The following TACC2 variants were observed in gnomAD, a reference collection of about 807,000 sequenced individuals.
The protein encoded by TACC2 is transforming acidic coiled-coil containing protein 2.
TACC2 carries 137 observed loss-of-function variants against 227.3 expected under a neutral mutation model. The ratio of observed to expected loss-of-function variants is 0.60; its 90% confidence interval spans 0.52 to 0.69. The LOEUF (loss-of-function observed/expected upper bound fraction) is 0.69, where lower values mean the gene tolerates loss of function less well. Among genes scored for constraint, TACC2 ranks in the 30% least tolerant of loss-of-function variants. The pLI is 0.00. For synonymous variants in TACC2, 1,523 were observed against 1,487.5 expected (o/e 1.02, Z -0.55); for missense variants, 3,470 against 3,694.4 (o/e 0.94, Z 1.57).
rs1330089288 is a variant in TACC2, at chr10:122,124,350, T to C, written c.5574-8259T>C. Among the ~76,000 whole-genome samples the C allele has an allele frequency of 2.0e-5, 3 of 152,316 alleles. No individual in the cohort carries two copies. In the South Asian group the frequency reaches 6.2e-4, roughly 32 times the overall value. On this transcript the variant is annotated intron_variant, in intron 5 of 22. Transcript: ENST00000369005. ...AGTGTGTCCTGCATCACCTGGCACC[T>C]GAACTGTTCCAAAGCTCTCACTTCG...
chr10:122,087,023 A>C lies in TACC2; in HGVS notation c.4523A>C (p.Asn1508Thr). The part of the protein sequence containing the change: ...LGPAGLTWER[N>T]LPGAGVGKEM... ...CCAGCAGGGCTGACCTGGGAGCGGA[A>C]CTTGCCAGGTGCCGGTGTGGGGAAG... The change falls in exon 4 of 23, where the codon AAC becomes ACC. Residue 1508 changes from asparagine to threonine, a missense_variant. Around this residue, in one of 10 missense-constraint regions of TACC2, gnomAD observed 1,924 missense variants for 1,978.3 expected, o/e 0.97. Coordinates refer to ENST00000369005, the MANE Select transcript of TACC2 (RefSeq NM_206862.4). 6.2e-7 allele frequency: 1 copy of C among 1,613,904 alleles called. No individual in the cohort carries two copies. The highest frequency in any genetic ancestry group is 1.1e-5 in the South Asian group (1 of 91,082).
chr10:122,183,617 CTGCTATGGATCTAGA>C (rs1040573095), intron 7 of TACC2, among the ~76,000 whole-genome samples: 1 of 152,170 alleles, frequency 6.6e-6, no homozygotes, highest in Non-Finnish European at 1.5e-5. Context: ...CCCCCGTGGG[CTGCTATGGATCTAGA>C]TGCAGAAACT....
chr10:122,078,324 G>T (rs930804966), intron 3 of TACC2, among the ~76,000 whole-genome samples: 3 of 151,384 alleles, frequency 2.0e-5, no homozygotes, highest in Admixed American at 2.0e-4. Context: ...AAACCTGGTC[G>T]TGCAGGGGCC....
At chr10:122,163,734 C>T in intron 7 of TACC2, 2 of 1,142,474 alleles carry the variant, frequency 1.8e-6, no homozygotes, top group South Asian at 4.3e-5. Flanking sequence ...GCTCGCCCCC[C>T]GGCCCCCGGC....
At chr10:122,112,185 A>G (rs929811492) in intron 5 of TACC2, among the ~76,000 whole-genome samples, 4 of 152,126 alleles carry the variant, frequency 2.6e-5, no homozygotes, top group African/African-American at 9.7e-5. Flanking sequence ...CCTGCTGTCT[A>G]TATATAGTCA....
intron 8 of TACC2, among the ~76,000 whole-genome samples, chr10:122,208,797 C>T: frequency 6.6e-6 from 1 of 152,234 alleles, no homozygotes; most frequent in East Asian, 1.9e-4. Context: ...CCAGGTCTTA[C>T]CTGTGCCAGC....
intron 18 of TACC2, among the ~76,000 whole-genome samples, chr10:122,240,233 C>T (rs1420868917): frequency 6.6e-6 from 1 of 152,196 alleles, no homozygotes; most frequent in Non-Finnish European, 1.5e-5. Flanking sequence ...GTGTCCTCAG[C>T]AGTGATGAGT....
chr10:122,248,501 C>T lies in TACC2; in HGVS notation c.8393-142C>T, dbSNP rs367665591. ...GAGACAGTCTGGGAGGGCTCTGGGG[C>T]GTGGGTTCGTCCCAAGGAAAAGCTG... is the stretch of plus-strand genomic sequence containing the variant. On this transcript the variant is annotated intron_variant, in intron 19 of 22. Coordinates refer to ENST00000369005, the MANE Select transcript of TACC2 (RefSeq NM_206862.4). 589 of 938,060 alleles carry T rather than the reference C, an allele frequency of 6.3e-4. 4 individuals are homozygous for T. Among genetic ancestry groups the T allele is most frequent in the African/African-American group, 3.5e-3 (215 of 60,838 alleles). The allele number at this position is 938,060 out of a possible 1,614,324, so 58.1% of individuals were successfully genotyped here. A position where few individuals can be genotyped will look rare whatever the true frequency, so the allele number is the denominator to read the frequency against.
At chr10:122,021,907 C>T in intron 1 of TACC2, 30 bp from the exon 2 acceptor site, 1 of 1,373,426 alleles carries the variant, frequency 7.3e-7, no homozygotes, top group Non-Finnish European at 1.0e-6. Flanking sequence ...TTTCATTTCA[C>T]AGACGTTTAT....
chr10:122,203,848 TGCACTCCAGCCTTG>T lies in TACC2; in HGVS notation c.5972-6544_5972-6531del, dbSNP rs900685629. 4.0e-3 allele frequency among the ~76,000 whole-genome samples: 615 copies of T among 152,162 alleles called. 1 individual carries two copies. Among genetic ancestry groups the T allele is most frequent in the Non-Finnish European group, 5.2e-3 (355 of 68,004 alleles). ...TTGTAGCGAGCCGAGATCACGCCAC[TGCACTCCAGCCTTG>T]GCACCATTGAGCACTGAGTGAACGA... On this transcript the variant is annotated intron_variant, in intron 8 of 22. Transcript: ENST00000369005.
intron 6 of TACC2, among the ~76,000 whole-genome samples, chr10:122,135,627 A>G (rs376536356): frequency 6.6e-6 from 1 of 152,262 alleles, no homozygotes; most frequent in East Asian, 1.9e-4. Context: ...GACTTTGGTC[A>G]CCAGATGCCT....
intron 5 of TACC2, among the ~76,000 whole-genome samples, chr10:122,129,060 A>AATT (rs34221080): frequency 0.065 from 8,290 of 128,424 alleles, 259 homozygotes; most frequent in East Asian, 0.11. Flanking sequence ...ATCTTATTTT[A>AATT]ATTATTATTA....
At chr10:122,040,342 G>T (rs2074098562) in intron 2 of TACC2, among the ~76,000 whole-genome samples, 1 of 152,142 alleles carries the variant, frequency 6.6e-6, no homozygotes. Context: ...TGGTGACGCT[G>T]TGATGAGAGC....
intron 5 of TACC2, among the ~76,000 whole-genome samples, chr10:122,110,894 C>T (rs961887748): frequency 3.9e-5 from 6 of 152,162 alleles, no homozygotes; most frequent in South Asian, 4.1e-4. Context: ...ATCAAGGTTT[C>T]GGTAGTGTTG....
In TACC2 at chr10:122,098,297, T is replaced by A. The variant is rs576202026; in HGVS notation, c.5573+9706T>A. ...GCTAAGAGAATAAGCTATGATCTTG[T>A]TTCTTGGAGAATGTTAGATTTGCAG... is the stretch of plus-strand genomic sequence containing the variant. On this transcript the variant is annotated intron_variant, in intron 5 of 22. Coordinates refer to ENST00000369005, the MANE Select transcript of TACC2 (RefSeq NM_206862.4). Among the ~76,000 whole-genome samples, 5 of 152,328 alleles carry A rather than the reference T, an allele frequency of 3.3e-5. No individual in the cohort carries two copies. In the East Asian group the frequency reaches 5.8e-4, roughly 18 times the overall value.
In TACC2 at chr10:122,143,642, C is replaced by T; in HGVS notation, c.5770C>T (p.Pro1924Ser). Residue 1924 changes from proline (P) to serine (S), a missense_variant, in exon 7 of 23, where the codon CCA becomes TCA. Pro to Ser is a moderately conservative substitution (Grantham distance 74). Coordinates refer to ENST00000369005, the MANE Select transcript of TACC2 (RefSeq NM_206862.4). ...AGAACACATAGTTTCGCCATCTGCCCCAGCTGGTGACAGAGTAGAAGCTTC... is the reference window on the plus strand; with the variant it reads ...AGAACACATAGTTTCGCCATCTGCCTCAGCTGGTGACAGAGTAGAAGCTTC... ...AAEHIVSPSA[P>S]AGDRVEASTP... 1.2e-6 allele frequency: 2 copies of T among 1,614,188 alleles called. No individual in the cohort carries two copies. Among genetic ancestry groups the T allele is most frequent in the Non-Finnish European group, 1.7e-6 (2 of 1,180,014 alleles).
chr10:122,011,890 A>T (rs1181364827), intron 1 of TACC2, among the ~76,000 whole-genome samples: 1 of 152,168 alleles, frequency 6.6e-6, no homozygotes, highest in Non-Finnish European at 1.5e-5. Flanking sequence ...CTCTGCCAGC[A>T]TATCAGTCAG....
In TACC2 at chr10:122,085,655, C is replaced by T; in HGVS notation, c.3155C>T (p.Ala1052Val). 1 of 1,613,604 alleles carries T rather than the reference C, an allele frequency of 6.2e-7. No individual in the cohort carries two copies. Among genetic ancestry groups the T allele is most frequent in the Non-Finnish European group, 8.5e-7 (1 of 1,180,044 alleles). The change falls in exon 4 of 23, where the codon GCT (alanine) becomes GTT (valine). Residue 1052 changes from alanine (A) to valine (V), a missense_variant. This residue lies in a region of TACC2 where 1,924 missense variants were observed against 1,978.3 expected (regional missense o/e 0.97). Coordinates refer to ENST00000369005, the MANE Select transcript of TACC2 (RefSeq NM_206862.4). ...CCACCTTGTCAGCCTGACTCAGTAGCTCTCCTGGATGCAGTTCCCTGCCTG... is the reference window on the plus strand; with the variant it reads ...CCACCTTGTCAGCCTGACTCAGTAGTTCTCCTGGATGCAGTTCCCTGCCTG... ...EAPPCQPDSV[A>V]LLDAVPCLPA...
At chr10:122,062,160 G>A (rs909778774) in intron 3 of TACC2, among the ~76,000 whole-genome samples, 1 of 150,978 alleles carries the variant, frequency 6.6e-6, no homozygotes, top group African/African-American at 2.4e-5. Flanking sequence ...AGCCTCCTGA[G>A]TAGCTGGGAC....
Sources: allele counts gnomAD v4.1 joint callset (sites outside exome capture counted in the v4.1 genomes callset), GRCh38; gene constraint gnomAD v4.1.1; regional missense constraint gnomAD v4.1.1; transcripts MANE v1.5; gene names NCBI Gene and HGNC (gene_info 2026-07-23, HGNC 2026-07-21).